The following ZNF804A variants were observed in gnomAD, a reference collection of about 807,000 sequenced individuals.
ZNF804A encodes zinc finger protein 804A.
Under a neutral mutation model 16.5 loss-of-function variants are expected in ZNF804A, and 2 were observed. The ratio of observed to expected loss-of-function variants is 0.12; its 90% CI spans 0.05 to 0.38. ZNF804A has a LOEUF of 0.38. Ranked by LOEUF, ZNF804A falls within the 10% of genes least tolerant of loss-of-function variation. The pLI is 0.99. For missense variants in ZNF804A, 1,473 were observed against 1,390.7 expected, an observed-to-expected ratio of 1.06 and a Z score of -0.94; for synonymous variants, 534 against 489.6, an observed-to-expected ratio of 1.09 and a Z score of -1.20.
chr2:184,764,867 C>G (rs1694093565), intron 1 of ZNF804A, among the ~76,000 whole-genome samples: 1 of 151,786 alleles, frequency 6.6e-6, no homozygotes, highest in Non-Finnish European at 1.5e-5. Flanking sequence ...TTAGTCCATA[C>G]AATTATGACA....
chr2:184,839,001 T>C (rs987649238), intron 1 of ZNF804A, among the ~76,000 whole-genome samples: 2 of 152,148 alleles, frequency 1.3e-5, no homozygotes, highest in Admixed American at 1.3e-4. Flanking sequence ...GGTCATTACC[T>C]TTCCCAATGT....
chr2:184,926,564 C>A (rs192635794), intron 2 of ZNF804A, among the ~76,000 whole-genome samples: 34 of 151,974 alleles, frequency 2.2e-4, no homozygotes, highest in African/African-American at 8.0e-4. Context: ...TTGGGGAGTT[C>A]ACTTTTATTA....
chr2:184,771,450 T>C (rs6759491), intron 1 of ZNF804A, among the ~76,000 whole-genome samples: 50,653 of 151,752 alleles, frequency 0.33, 11,829 homozygotes, highest in African/African-American at 0.67. Context: ...CTATTGCAGT[T>C]AAGATGTCTC....
chr2:184,820,471 G>A (rs145593808), intron 1 of ZNF804A, among the ~76,000 whole-genome samples: 18 of 152,006 alleles, frequency 1.2e-4, no homozygotes, highest in South Asian at 2.1e-4. Flanking sequence ...TACTGAATGG[G>A]CAAAAACTGG....
chr2:184,872,519 CA>C lies in ZNF804A; in HGVS notation c.255+6009del, dbSNP rs1176243237. ...CAAAATTAAATACCAATGAGAAGAACAATAGACCATATATGATAAACCTAAA... is the reference window on the plus strand; with the variant it reads ...CAAAATTAAATACCAATGAGAAGAACATAGACCATATATGATAAACCTAAA... On this transcript the variant is annotated intron_variant, in intron 2 of 3. Coordinates refer to ENST00000302277, the MANE Select transcript of ZNF804A (RefSeq NM_194250.2). Among the ~76,000 whole-genome samples the C allele has an allele frequency of 3.3e-5, 5 of 152,092 alleles. No homozygotes were observed. The South Asian group carries it at 8.3e-4, about 25-fold the overall frequency.
At chr2:184,852,250 TC>T (rs1695617204) in intron 1 of ZNF804A, among the ~76,000 whole-genome samples, 1 of 151,386 alleles carries the variant, frequency 6.6e-6, no homozygotes, top group South Asian at 2.1e-4. Flanking sequence ...TCTCTCTCTC[TC>T]TCTCTCTCTC....
chr2:184,604,037 AT>A (rs1691093011), intron 1 of ZNF804A, among the ~76,000 whole-genome samples: 1 of 151,644 alleles, frequency 6.6e-6, no homozygotes, highest in Non-Finnish European at 1.5e-5. Context: ...ACTTTTGTTA[AT>A]TCATTAAATA....
At chr2:184,735,659 A>G (rs924202696) in intron 1 of ZNF804A, among the ~76,000 whole-genome samples, 5 of 152,184 alleles carry the variant, frequency 3.3e-5, no homozygotes, top group Admixed American at 2.6e-4. Flanking sequence ...TGTTGAAGGT[A>G]AAAAAATGAT....
chr2:184,714,106 A>T (rs1693177362), intron 1 of ZNF804A, among the ~76,000 whole-genome samples: 1 of 152,062 alleles, frequency 6.6e-6, no homozygotes, highest in African/African-American at 2.4e-5. Flanking sequence ...CTTATTAACT[A>T]GAATAATTTG....
intron 2 of ZNF804A, among the ~76,000 whole-genome samples, chr2:184,893,381 A>G (rs1685016991): frequency 6.6e-6 from 1 of 152,006 alleles, no homozygotes; most frequent in South Asian, 2.1e-4. Flanking sequence ...TTCTTAATTT[A>G]CACCCTAAAT....
At chr2:184,920,945 AT>A (rs1685520096) in intron 2 of ZNF804A, among the ~76,000 whole-genome samples, 1 of 152,236 alleles carries the variant, frequency 6.6e-6, no homozygotes, top group Non-Finnish European at 1.5e-5. Context: ...AGACCATGGA[AT>A]AAATGTGGGC....
intron 1 of ZNF804A, among the ~76,000 whole-genome samples, chr2:184,671,428 C>G (rs533196279): frequency 6.6e-6 from 1 of 152,272 alleles, no homozygotes; most frequent in Admixed American, 6.5e-5. Flanking sequence ...TGAGTAGTTA[C>G]AAGAGACTGG....
intron 1 of ZNF804A, among the ~76,000 whole-genome samples, chr2:184,684,187 G>A (rs567875217): frequency 5.8e-4 from 89 of 152,298 alleles, no homozygotes; most frequent in African/African-American, 2.1e-3. Flanking sequence ...GTTTGTACTG[G>A]ATACTTTTAA....
At chr2:184,904,399 T>C (rs148742921) in intron 2 of ZNF804A, among the ~76,000 whole-genome samples, 123 of 152,186 alleles carry the variant, frequency 8.1e-4, no homozygotes, top group African/African-American at 2.5e-3. Context: ...CTGTCAACCA[T>C]TGTCAGGTGG....
At chr2:184,928,123 G>A (rs746795255) in intron 2 of ZNF804A, among the ~76,000 whole-genome samples, 1 of 152,042 alleles carries the variant, frequency 6.6e-6, no homozygotes, top group Non-Finnish European at 1.5e-5. Context: ...AGTCTCACAC[G>A]AGGCCCACGA....
At chr2:184,741,875 T>G (rs891391803) in intron 1 of ZNF804A, among the ~76,000 whole-genome samples, 1 of 152,132 alleles carries the variant, frequency 6.6e-6, no homozygotes, top group Admixed American at 6.6e-5. Flanking sequence ...TCTGTTTCAG[T>G]GTACAAGTAA....
Position 184,755,389 on chromosome 2 carries a change from G to A in ZNF804A, c.112-110980G>A, listed in dbSNP as rs1319923144. On this transcript the variant is annotated intron_variant, in intron 1 of 3. Transcript: ENST00000302277. Reference sequence around the variant, plus strand: ...GTCTTCTCAATAGTTCACATGGGGTGCATCCCAACAATGCATTTAACTTGG... The same window carrying A: ...GTCTTCTCAATAGTTCACATGGGGTACATCCCAACAATGCATTTAACTTGG... 2.6e-5 allele frequency among the ~76,000 whole-genome samples: 4 copies of A among 151,832 alleles called. No homozygotes were observed. The East Asian group carries it at 7.8e-4, about 29-fold the overall frequency.
chr2:184,765,156 T>C (rs919914666), intron 1 of ZNF804A, among the ~76,000 whole-genome samples: 9 of 152,156 alleles, frequency 5.9e-5, no homozygotes, highest in Admixed American at 2.6e-4. Context: ...CATTGTTTTC[T>C]GAATTGTTTT....
At chr2:184,718,254 C>A (rs62176233) in intron 1 of ZNF804A, among the ~76,000 whole-genome samples, 3 of 151,110 alleles carry the variant, frequency 2.0e-5, no homozygotes, top group Non-Finnish European at 3.0e-5. Flanking sequence ...AGAAAACCCA[C>A]CCCCATAACT....
Sources: allele counts gnomAD v4.1 joint callset (sites outside exome capture counted in the v4.1 genomes callset), GRCh38; gene constraint gnomAD v4.1.1; transcripts MANE v1.5; gene names NCBI Gene and HGNC (gene_info 2026-07-23, HGNC 2026-07-21).